The following SORT1 variants were observed in gnomAD, a reference collection of about 807,000 sequenced individuals.
SORT1 encodes the protein sortilin 1, also known as sortilin.
A neutral mutation model predicts 101.7 loss-of-function variants in SORT1; 39 were observed. The ratio of observed to expected loss-of-function variants is 0.38; its 90% CI spans 0.30 to 0.50. SORT1 has a LOEUF of 0.50. Among genes scored for constraint, SORT1 ranks in the 20% least tolerant of loss-of-function variants. SORT1 has a pLI of 0.90. For missense variants in SORT1, 878 were observed against 1,040.4 expected, an observed-to-expected ratio of 0.84 and a Z score of 2.15; for synonymous variants, 396 against 393.7, an observed-to-expected ratio of 1.01 and a Z score of -0.07.
At chr1:109,387,651 T>A (rs1024915093) in intron 1 of SORT1, among the ~76,000 whole-genome samples, 1 of 152,188 alleles carries the variant, frequency 6.6e-6, no homozygotes, top group Non-Finnish European at 1.5e-5. Flanking sequence ...CTATCTCCCA[T>A]AGCTTCAAGA....
intron 13 of SORT1, among the ~76,000 whole-genome samples, chr1:109,326,423 G>T (rs1173019456): frequency 1.1e-5 from 1 of 89,870 alleles, no homozygotes; most frequent in Non-Finnish European, 2.1e-5. Flanking sequence ...TTTGTAGACA[G>T]AAAGAATATA....
intron 1 of SORT1, among the ~76,000 whole-genome samples, chr1:109,372,750 T>C (rs988770479): frequency 4.6e-5 from 7 of 151,690 alleles, no homozygotes; most frequent in Non-Finnish European, 7.4e-5. Context: ...ATACAAAAAA[T>C]TAGCCGGGCG....
intron 9 of SORT1, 127 bp downstream of exon 9, chr1:109,341,887 G>T: frequency 1.1e-6 from 1 of 889,676 alleles, no homozygotes; most frequent in Non-Finnish European, 1.8e-6. Context: ...TGATCTCTAG[G>T]ACAGAAAAAT....
intron 10 of SORT1, among the ~76,000 whole-genome samples, chr1:109,336,677 T>C (rs1648852293): frequency 6.6e-6 from 1 of 151,684 alleles, no homozygotes; most frequent in African/African-American, 2.4e-5. Context: ...GGTGTGGTGG[T>C]GGGGGCCTGT....
At position 109,312,584 on chromosome 1, in the gene SORT1, A is replaced by C. The variant is rs1350689448; in HGVS notation, c.*1459T>G. 2 of 152,590 alleles carry C rather than the reference A, an allele frequency of 1.3e-5. No individual in the cohort carries two copies. The highest frequency in any genetic ancestry group is 4.8e-5 in the African/African-American group (2 of 41,438). The allele number at this position is 152,590 out of a possible 1,614,324, so 9.5% of individuals were successfully genotyped here. A position where few individuals can be genotyped will look rare whatever the true frequency, so the allele number is the denominator to read the frequency against. On this transcript the variant is annotated 3_prime_UTR_variant, in exon 20 of 20. Transcript: ENST00000256637. ...AAACTAGTAGCAAATGGTATCTACCAAAGAATGTCCCAGTCATAATCATTG... is the reference window on the plus strand; with the variant it reads ...AAACTAGTAGCAAATGGTATCTACCCAAGAATGTCCCAGTCATAATCATTG...
chr1:109,362,918 T>C (rs1650822410), intron 3 of SORT1, among the ~76,000 whole-genome samples: 1 of 152,162 alleles, frequency 6.6e-6, no homozygotes, highest in Non-Finnish European at 1.5e-5. Flanking sequence ...GAGCATATCA[T>C]TAAAAAGGTT....
intron 1 of SORT1, among the ~76,000 whole-genome samples, chr1:109,381,687 T>C (rs866516162): frequency 1.2e-4 from 18 of 152,114 alleles, no homozygotes; most frequent in Middle Eastern, 3.4e-3. Flanking sequence ...CTGGGAAACA[T>C]AGTGAGACTT....
At chr1:109,319,926 A>C (rs1032867085) in intron 15 of SORT1, among the ~76,000 whole-genome samples, 3 of 151,622 alleles carry the variant, frequency 2.0e-5, no homozygotes, top group Admixed American at 6.6e-5. Flanking sequence ...AAGGCTCAAT[A>C]ATCATCAAAT....
At chr1:109,354,184 T>C (rs114610219) in intron 5 of SORT1, among the ~76,000 whole-genome samples, 183 bp downstream of exon 5, 1,994 of 152,292 alleles carry the variant, frequency 0.013, 20 homozygotes, top group Admixed American at 0.019. Flanking sequence ...CTGGAATAGA[T>C]AGCATGTGGA....
intron 1 of SORT1, among the ~76,000 whole-genome samples, chr1:109,379,006 G>C (rs1338526285): frequency 6.6e-6 from 1 of 151,504 alleles, no homozygotes; most frequent in South Asian, 2.1e-4. Context: ...AGCTGGGTGT[G>C]GTGGCACACA....
intron 1 of SORT1, among the ~76,000 whole-genome samples, chr1:109,377,506 C>A (rs75185340): frequency 6.6e-6 from 1 of 152,172 alleles, no homozygotes; most frequent in Non-Finnish European, 1.5e-5. Flanking sequence ...GCTCTTCCAG[C>A]CAGCCAAGAC....
intron 10 of SORT1, among the ~76,000 whole-genome samples, chr1:109,339,075 C>T (rs914247402): frequency 3.9e-5 from 6 of 152,042 alleles, no homozygotes; most frequent in Admixed American, 2.0e-4. Context: ...GACGGGGTTT[C>T]GCCGTGTTAG....
At chr1:109,351,486 T>C (rs1213244769) in intron 5 of SORT1, among the ~76,000 whole-genome samples, 1 of 152,154 alleles carries the variant, frequency 6.6e-6, no homozygotes, top group Non-Finnish European at 1.5e-5. Flanking sequence ...AGATGAGGTG[T>C]TGCTGCACAA....
At chr1:109,347,021 T>A (rs1235139764) in intron 7 of SORT1, among the ~76,000 whole-genome samples, 1 of 152,144 alleles carries the variant, frequency 6.6e-6, no homozygotes, top group Non-Finnish European at 1.5e-5. Flanking sequence ...GGGCAGGCCT[T>A]GGGTGTTTTC....
At chr1:109,339,750 C>T (rs1045557173) in intron 10 of SORT1, among the ~76,000 whole-genome samples, 1 of 152,208 alleles carries the variant, frequency 6.6e-6, no homozygotes, top group African/African-American at 2.4e-5. Context: ...CCCAAAGGAA[C>T]TGAAAGCATT....
chr1:109,385,967 ACCT>A, intron 1 of SORT1, among the ~76,000 whole-genome samples: 1 of 152,220 alleles, frequency 6.6e-6, no homozygotes, highest in Non-Finnish European at 1.5e-5. Flanking sequence ...AGTTCCCAGG[ACCT>A]GATAAGTGCC....
intron 11 of SORT1, among the ~76,000 whole-genome samples, chr1:109,332,855 T>A (rs1216585022): frequency 1.3e-5 from 2 of 152,164 alleles, no homozygotes; most frequent in East Asian, 3.9e-4. Flanking sequence ...GAACACACAA[T>A]GTGAAAAAGA....
intron 1 of SORT1, among the ~76,000 whole-genome samples, chr1:109,373,574 G>C (rs552756969): frequency 1.5e-4 from 23 of 152,256 alleles, no homozygotes; most frequent in South Asian, 1.0e-3. Context: ...CAAGGAAATT[G>C]GGTAGAGTAC....
intron 1 of SORT1, among the ~76,000 whole-genome samples, chr1:109,375,047 C>T (rs570869999): frequency 2.0e-5 from 3 of 152,192 alleles, no homozygotes; most frequent in South Asian, 4.1e-4. Flanking sequence ...TGAAGCCATA[C>T]CAACAGAAAC....
Sources: allele counts gnomAD v4.1 joint callset (sites outside exome capture counted in the v4.1 genomes callset), GRCh38; gene constraint gnomAD v4.1.1; transcripts MANE v1.5; gene names NCBI Gene and HGNC (gene_info 2026-07-23, HGNC 2026-07-21).